Variants in TTLL4 observed in about 807,000 individuals in gnomAD.
TTLL4 encodes tubulin tyrosine ligase like 4, also known as tubulin monoglutamylase TTLL4.
TTLL4 carries 85 observed loss-of-function variants against 122.7 expected under a neutral mutation model. The ratio of observed to expected loss-of-function variants is 0.69; its 90% CI spans 0.58 to 0.83. TTLL4 has a LOEUF of 0.83. TTLL4 is among the 40% of genes least tolerant of loss of function. The probability of loss-of-function intolerance (pLI) is 0.00; values close to 1 mark genes in which losing one functional copy is unlikely to be tolerated. For synonymous variants in TTLL4, 553 were observed against 563.0 expected, an observed-to-expected ratio of 0.98 and a Z score of 0.25; for missense variants, 1,363 against 1,488.6, an observed-to-expected ratio of 0.92 and a Z score of 1.39.
chr2:218,738,963 T>A lies in TTLL4; in HGVS notation c.1287T>A (p.Ser429Arg). The change falls in exon 3 of 20, where the codon AGT (serine) becomes AGA (arginine). Residue 429 changes from serine to arginine, a missense_variant. Physicochemically the swap from Ser to Arg is moderately radical, Grantham distance 110. Coordinates refer to ENST00000392102, the MANE Select transcript of TTLL4 (RefSeq NM_014640.5). ...ISIHLLASHA[S>R]GLNHNPACES... ...TTCACCTCCTTGCCTCACATGCCAGTGGGCTCAATCACAACCCTGCCTGTG... is the reference window on the plus strand; with the variant it reads ...TTCACCTCCTTGCCTCACATGCCAGAGGGCTCAATCACAACCCTGCCTGTG... The A allele has an allele frequency of 6.2e-7, 1 of 1,614,212 alleles. No individual in the cohort carries two copies. Among genetic ancestry groups the A allele is most frequent in the Non-Finnish European group, 8.5e-7 (1 of 1,180,030 alleles).
chr2:218,732,314 T>C (rs1338849569), intron 2 of TTLL4, among the ~76,000 whole-genome samples: 2 of 152,218 alleles, frequency 1.3e-5, no homozygotes, highest in African/African-American at 4.8e-5. Flanking sequence ...ATACCTTTTC[T>C]CCTGTTGTCT....
intron 2 of TTLL4, among the ~76,000 whole-genome samples, chr2:218,729,747 T>TAAAAAAA (rs1559361797): frequency 9.6e-5 from 9 of 93,574 alleles, no homozygotes; most frequent in African/African-American, 1.8e-4. Context: ...CTCTCTCTTT[T>TAAAAAAA]TAAAAAAAAA....
chr2:218,718,918 G>A (rs1941948774), intron 1 of TTLL4, among the ~76,000 whole-genome samples: 1 of 152,190 alleles, frequency 6.6e-6, no homozygotes, highest in South Asian at 2.1e-4. Flanking sequence ...TGGTGTTAGA[G>A]GGGTTGGAGA....
chr2:218,749,518 G>T, intron 14 of TTLL4, 131 bp downstream of exon 14: 1 of 1,339,288 alleles, frequency 7.5e-7, no homozygotes, highest in South Asian at 1.5e-5. Context: ...TCCCAGGCTG[G>T]AGTGCAGTGG....
At chr2:218,716,643 G>A (rs563710655) in intron 1 of TTLL4, among the ~76,000 whole-genome samples, 2 of 152,284 alleles carry the variant, frequency 1.3e-5, no homozygotes, top group Non-Finnish European at 2.9e-5. Context: ...CAAAAAATTA[G>A]CCGGGCGTGG....
chr2:218,731,418 A>T (rs1456178638), intron 2 of TTLL4, among the ~76,000 whole-genome samples: 1 of 152,190 alleles, frequency 6.6e-6, no homozygotes, highest in Non-Finnish European at 1.5e-5. Context: ...TTCCAAAAAA[A>T]AAAAAAATTT....
rs914911107 is a variant in TTLL4 at position 218,740,148 on chromosome 2, TGAGAATGAA to T, written c.1582_1590del (p.Asn528_Glu530del). 4 of 1,614,204 alleles carry T rather than the reference TGAGAATGAA, an allele frequency of 2.5e-6. No homozygotes were observed. The highest frequency in any genetic ancestry group is 3.4e-6 in the Non-Finnish European group (4 of 1,180,020). On this transcript the variant is annotated inframe_deletion, in exon 4 of 20. Transcript: ENST00000392102. ...GTTTGGAAGACTGTTGTAGCCGTGA[TGAGAATGAA>T]GAGGAGGAGGGTGAGTAGGAAACCC...
chr2:218,747,981 C>G lies in TTLL4; in HGVS notation c.2379-124C>G. On this transcript the variant is annotated intron_variant, in intron 11 of 19. Transcript: ENST00000392102. The surrounding 1 kb of genome is among the most constrained non-coding windows in gnomAD (Gnocchi z 4.7). ...TGCCAGTAGACACACTTCTCAGGCT[C>G]TTGTGGCTATGAAAAGATCTGTGTA... 1 of 1,362,498 alleles carries G rather than the reference C, an allele frequency of 7.3e-7. No homozygotes were observed. The highest frequency in any genetic ancestry group is 1.9e-5 in the Admixed American group (1 of 52,124). The allele number at this position is 1,362,498 out of a possible 1,614,324, so 84.4% of individuals were successfully genotyped here.
chr2:218,754,489 A>G lies in TTLL4; in HGVS notation c.*100A>G. On this transcript the variant is annotated 3_prime_UTR_variant, in exon 20 of 20. Transcript: ENST00000392102. ...ACCAGTCTGACCCCCTACCCCTTTC[A>G]CCCTGTCCCTCCTCAGAGTATTTTT... 6.8e-7 allele frequency: 1 copy of G among 1,463,230 alleles called. No homozygotes were observed. Among genetic ancestry groups the G allele is most frequent in the Non-Finnish European group, 9.3e-7 (1 of 1,080,920 alleles). 90.6% of individuals were successfully genotyped at this position (1,463,230 alleles called of 1,614,324 possible).
At chr2:218,749,930 A>G (rs1942971133) in intron 14 of TTLL4, 79 bp from the exon 15 acceptor site, 3 of 1,547,036 alleles carry the variant, frequency 1.9e-6, no homozygotes, top group Non-Finnish European at 2.6e-6. Context: ...AGTAAATGAG[A>G]CTAGCCCTGA....
At chr2:218,722,612 GA>G (rs1942079194) in intron 1 of TTLL4, among the ~76,000 whole-genome samples, 1 of 152,208 alleles carries the variant, frequency 6.6e-6, no homozygotes, top group Admixed American at 6.5e-5. Flanking sequence ...ATGAGAGGAA[GA>G]GTGGCTCTGG....
chr2:218,758,926 C>A (rs1314309983), downstream of TTLL4, among the ~76,000 whole-genome samples: 1 of 152,194 alleles, frequency 6.6e-6, no homozygotes, highest in Non-Finnish European at 1.5e-5. Flanking sequence ...TATCTCTGTT[C>A]AGTGGAATAC....
At chr2:218,711,927 G>A (rs1941719220) in intron 1 of TTLL4, among the ~76,000 whole-genome samples, 1 of 148,900 alleles carries the variant, frequency 6.7e-6, no homozygotes, top group African/African-American at 2.5e-5. Context: ...GGGACCCTTT[G>A]GGACAGTGTT....
Position 218,743,979 on chromosome 2 carries a change from T to C in TTLL4, c.1662-1130T>C, listed in dbSNP as rs564017772. On this transcript the variant is annotated intron_variant, in intron 5 of 19. Transcript: ENST00000392102. ...CAGGCATGAGCCACTGCACCCGGCC[T>C]CTATCTTTGTTTTTAAATTTTAACT... 2.0e-5 allele frequency among the ~76,000 whole-genome samples: 3 copies of C among 152,342 alleles called. No individual in the cohort carries two copies. In the South Asian group the frequency reaches 6.2e-4, roughly 32 times the overall value.
At position 218,747,050 on chromosome 2, in the gene TTLL4, A is replaced by C; in HGVS notation, c.2022A>C (p.Leu674=). Residue 674 remains leucine (L), a synonymous_variant, in exon 9 of 20, where the codon CTA becomes CTC. Transcript: ENST00000392102. This position sits in a 1 kb window ranked among gnomAD's most constrained non-coding sequence, Gnocchi z 4.7. ...TCCAGATTGGGAGGAAGGACCGGCT[A>C]TGGCGGAACCTGTCACGTATGCAGA... ...GSFQIGRKDR[L]WRNLSRMQSR... is the part of the protein sequence containing the mutation. 1 of 1,614,224 alleles carries C rather than the reference A, an allele frequency of 6.2e-7. No homozygotes were observed. The highest frequency in any genetic ancestry group is 8.5e-7 in the Non-Finnish European group (1 of 1,180,046).
chr2:218,729,753 A>AAC (rs1942306236), intron 2 of TTLL4, among the ~76,000 whole-genome samples: 1 of 109,294 alleles, frequency 9.1e-6, no homozygotes, highest in African/African-American at 4.4e-5. Context: ...CTTTTTAAAA[A>AAC]AAAAAAAAAC....
downstream of TTLL4, among the ~76,000 whole-genome samples, chr2:218,758,247 A>G (rs1201636344): frequency 6.6e-6 from 1 of 152,222 alleles, no homozygotes; most frequent in African/African-American, 2.4e-5. Context: ...ACTGAGATAC[A>G]TGGAATGCCA....
chr2:218,753,247 G>A lies in TTLL4; in HGVS notation c.3258+62G>A, dbSNP rs893946574. 3.8e-6 allele frequency: 6 copies of A among 1,581,572 alleles called. No homozygotes were observed. The African/African-American group carries it at 6.7e-5, about 18-fold the overall frequency. ...GGCCCCTCCCTCCTCTGCCTTATGA[G>A]TGCAGCAGGAGTTGGGTTGGTATGT... On this transcript the variant is annotated intron_variant, in intron 18 of 19. Coordinates refer to ENST00000392102, the MANE Select transcript of TTLL4 (RefSeq NM_014640.5).
chr2:218,749,109 C>G (rs1942944255), intron 13 of TTLL4, 144 bp from the exon 14 acceptor site: 1 of 1,299,706 alleles, frequency 7.7e-7, no homozygotes, highest in South Asian at 1.4e-5. Flanking sequence ...AGGAGCTGGT[C>G]CCAGATCAGA....
Sources: gnomAD v4.1 joint callset for allele counts (sites outside exome capture counted in the v4.1 genomes callset) on GRCh38, gnomAD v4.1.1 for gene constraint, Gnocchi (gnomAD v3.1) non-coding constraint, MANE v1.5 for transcripts, NCBI Gene and HGNC (gene_info 2026-07-23, HGNC 2026-07-21) for gene names.